AHNAK2: variants seen among roughly 807,000 people sequenced by gnomAD.
The protein encoded by AHNAK2 is AHNAK nucleoprotein 2.
In AHNAK2, 18 loss-of-function variants were observed where a neutral mutation model predicts 30.7. The ratio of observed to expected loss-of-function variants is 0.59; its 90% CI spans 0.41 to 0.87. The LOEUF is 0.87. AHNAK2 is among the 40% of genes least tolerant of loss of function. The pLI is 0.00. For missense variants in AHNAK2, 8,604 were observed against 7,373.0 expected, an observed-to-expected ratio of 1.17 and a Z score of -6.11; for synonymous variants, 3,590 against 3,073.8, an observed-to-expected ratio of 1.17 and a Z score of -5.56.
rs774385229 is a variant in AHNAK2 at position 104,939,142 on chromosome 14, G to C, written c.16309C>G (p.Leu5437Val). The C allele has an allele frequency of 1.9e-6, 3 of 1,611,140 alleles. No individual in the cohort carries two copies. The highest frequency in any genetic ancestry group is 2.5e-6 in the Non-Finnish European group (3 of 1,178,868). ...ESPGLWGASI[L>V]KAGAGVPGEQ... ...CCAGGGACCCCAGCACCTGCCTTCA[G>C]GATGCTGGCTCCCCAGAGCCCCGGA... Residue 5437 changes from leucine (L) to valine (V), a missense_variant, in exon 7 of 7, where the codon CTG (leucine) becomes GTG (valine). Leu to Val is a conservative substitution (Grantham distance 32, BLOSUM62 1). Coordinates refer to ENST00000333244, the MANE Select transcript of AHNAK2 (RefSeq NM_138420.4).
At position 104,966,899 on chromosome 14, in the gene AHNAK2, G is replaced by A. The variant is rs1051489892; in HGVS notation, c.56-9227C>T. Among the ~76,000 whole-genome samples the A allele has an allele frequency of 1.3e-5, 2 of 152,208 alleles. No individual in the cohort carries two copies. ...CTTCCTGCTCTGCCCAGACCCTGCC[G>A]CTCAATCCCCAAGGTGGGTAACATA... On this transcript the variant is annotated intron_variant, in intron 1 of 6. Transcript: ENST00000333244. The surrounding 1 kb of genome is among the most constrained non-coding windows in gnomAD (Gnocchi z 4.3).
intron 1 of AHNAK2, among the ~76,000 whole-genome samples, chr14:104,962,432 T>C (rs1899175552): frequency 6.6e-6 from 1 of 152,150 alleles, no homozygotes; most frequent in Non-Finnish European, 1.5e-5. Flanking sequence ...GTTGGTTGGT[T>C]GGTTTTGTTT....
Position 104,947,383 on chromosome 14 carries a change from C to T in AHNAK2, c.8068G>A (p.Asp2690Asn), listed in dbSNP as rs559989165. 1.2e-6 allele frequency: 2 copies of T among 1,612,692 alleles called. No homozygotes were observed. Among genetic ancestry groups the T allele is most frequent in the East Asian group, 2.2e-5 (1 of 44,770 alleles). ...ADMSLPSMQG[D>N]LKTTDISIQP... ...ATGCTGATGTCAGTGGTCTTAAGGTCCCCTTGCATGGAGGGGAGGCTCATG... is the reference window on the plus strand; with the variant it reads ...ATGCTGATGTCAGTGGTCTTAAGGTTCCCTTGCATGGAGGGGAGGCTCATG... The change falls in exon 7 of 7, where the codon GAC becomes AAC. Residue 2690 changes from aspartate to asparagine, a missense_variant. Transcript: ENST00000333244.
In AHNAK2 at chr14:104,938,837, CATT is replaced by C. The variant is rs1394530515; in HGVS notation, c.16611_16613del (p.Met5538del). On this transcript the variant is annotated inframe_deletion, in exon 7 of 7. Coordinates refer to ENST00000333244, the MANE Select transcript of AHNAK2 (RefSeq NM_138420.4). The stretch of plus-strand genomic sequence containing the variant: ...CCTCCTGAGTCCTAGAGTGTTGAGT[CATT>C]GTTGTGTACACTCTAGCCTGCGTGT... The C allele has an allele frequency of 5.6e-6, 9 of 1,613,738 alleles. No individual in the cohort carries two copies. The highest frequency in any genetic ancestry group is 5.1e-6 in the Non-Finnish European group (6 of 1,179,886).
intron 1 of AHNAK2, among the ~76,000 whole-genome samples, chr14:104,975,119 GA>G (rs749297658): frequency 3.9e-5 from 6 of 152,262 alleles, no homozygotes; most frequent in Non-Finnish European, 8.8e-5. Flanking sequence ...AGAAGGCAAT[GA>G]GGGCATTCCT....
In AHNAK2 at chr14:104,952,716, G is replaced by T; in HGVS notation, c.2735C>A (p.Pro912His). 6.2e-7 allele frequency: 1 copy of T among 1,610,692 alleles called. No homozygotes were observed. Residue 912 changes from proline to histidine, a missense_variant, in exon 7 of 7, where the codon CCC becomes CAC. Pro to His is a moderately conservative substitution (Grantham distance 77, BLOSUM62 -2). Coordinates refer to ENST00000333244, the MANE Select transcript of AHNAK2 (RefSeq NM_138420.4). Reference protein sequence around the residue: ...PEGPVPEGAGPKVHLPKVEMP... With the variant: ...PEGPVPEGAGHKVHLPKVEMP... ...CTCCACTTTGGGCAGGTGCACTTTG[G>T]GGCCGGCTCCCTCGGGCACAGGGCC...
intron 1 of AHNAK2, among the ~76,000 whole-genome samples, chr14:104,965,444 T>G (rs1265281850): frequency 8.2e-6 from 1 of 122,680 alleles, no homozygotes. Context: ...AAAGAAAAAA[T>G]CAAATCCCTT....
At chr14:104,969,538 C>A (rs1899413159) in intron 1 of AHNAK2, among the ~76,000 whole-genome samples, 1 of 152,264 alleles carries the variant, frequency 6.6e-6, no homozygotes, top group South Asian at 2.1e-4. Context: ...CTTTGCTCAC[C>A]AAGCACTCAG....
rs974107476 is a variant in AHNAK2, at chr14:104,939,029, AC to A, written c.16421del (p.Ser5474IlefsTer9). On this transcript the variant is annotated frameshift_variant, in exon 7 of 7. Coordinates refer to ENST00000333244, the MANE Select transcript of AHNAK2 (RefSeq NM_138420.4). LOFTEE classifies it low-confidence loss of function (END_TRUNC). ...CTATGCTGTGTATAGTGACCTCTTG[AC>A]TTTCAACCTGAGCACCCTGAATATG... ...RVHIQGAQVE[S>X]QEVTIHSIVT... is the part of the protein sequence containing the mutation. 1.9e-6 allele frequency: 3 copies of A among 1,609,074 alleles called. No individual in the cohort carries two copies. Among genetic ancestry groups the A allele is most frequent in the Admixed American group, 3.4e-5 (2 of 59,222 alleles).
Position 104,947,806 on chromosome 14 carries a change from C to G in AHNAK2, c.7645G>C (p.Val2549Leu), listed in dbSNP as rs199966867. Reference protein sequence around the residue: ...DLEVQAGQVDVKLPEGPVPEG... With the variant: ...DLEVQAGQVDLKLPEGPVPEG... Reference sequence around the variant, plus strand: ...GGCACAGGGCCCTCTGGGAGTTTCACGTCCACTTGGCCAGCCTGGACCTCC... The same window carrying G: ...GGCACAGGGCCCTCTGGGAGTTTCAGGTCCACTTGGCCAGCCTGGACCTCC... Residue 2549 changes from valine to leucine, a missense_variant, in exon 7 of 7, where the codon GTG (valine) becomes CTG (leucine). Val to Leu is a conservative substitution (Grantham distance 32). Transcript: ENST00000333244. The G allele has an allele frequency of 2.6e-4, 424 of 1,612,590 alleles. 4 individuals are homozygous for G. In the East Asian group the frequency reaches 8.4e-3, roughly 32 times the overall value.
Position 104,938,619 on chromosome 14 carries a change from A to G in AHNAK2, c.16832T>C (p.Ile5611Thr). 6.2e-7 allele frequency: 1 copy of G among 1,612,820 alleles called. No homozygotes were observed. The highest frequency in any genetic ancestry group is 8.5e-7 in the Non-Finnish European group (1 of 1,179,500). ...DSCSDEEPAE[I>T]LEFPPDDSQE... ...GCTATCATCAGGGGGAAACTCAAGA[A>G]TTTCTGCTGGCTCCTCATCTGAACA... Residue 5611 changes from isoleucine to threonine, a missense_variant, in exon 7 of 7, where the codon ATT becomes ACT. Ile to Thr is a moderately conservative substitution (Grantham distance 89). Transcript: ENST00000333244.
chr14:104,961,767 G>A (rs575386154), intron 1 of AHNAK2, among the ~76,000 whole-genome samples: 1 of 152,304 alleles, frequency 6.6e-6, no homozygotes, highest in South Asian at 2.1e-4. Flanking sequence ...GAGGCCAGGA[G>A]TTTGAGACTA....
rs544352487 is a variant in AHNAK2 at position 104,957,118 on chromosome 14, G to A, written c.213+292C>T. Among the ~76,000 whole-genome samples, 3 of 152,224 alleles carry A rather than the reference G, an allele frequency of 2.0e-5. No homozygotes were observed. The South Asian group carries it at 6.2e-4, about 31-fold the overall frequency. On this transcript the variant is annotated intron_variant, in intron 3 of 6. Coordinates refer to ENST00000333244, the MANE Select transcript of AHNAK2 (RefSeq NM_138420.4). ...GCATGAGTGTGTTACACAGGTGCAG[G>A]GATGCACACACCCTGTGCCCCTGAA...
chr14:104,939,509 C>A lies in AHNAK2; in HGVS notation c.15942G>T (p.Arg5314Ser). 6.2e-7 allele frequency: 1 copy of A among 1,613,704 alleles called. No homozygotes were observed. Among genetic ancestry groups the A allele is most frequent in the South Asian group, 1.1e-5 (1 of 91,088 alleles). ...GPLPFQMPGM[R>S]LPETQVLPGE... ...CTGGAAGAACCTGGGTTTCTGGAAG[C>A]CTCATGCCAGGCATCTGAAAAGGGA... The change falls in exon 7 of 7, where the codon AGG (arginine) becomes AGT (serine). Residue 5314 changes from arginine to serine, a missense_variant. Coordinates refer to ENST00000333244, the MANE Select transcript of AHNAK2 (RefSeq NM_138420.4).
rs1436977335 is a variant in AHNAK2 at position 104,950,723 on chromosome 14, C to G, written c.4728G>C (p.Leu1576=). 5.7e-6 allele frequency: 9 copies of G among 1,586,500 alleles called. No individual in the cohort carries two copies. In the African/African-American group the frequency reaches 9.5e-5, roughly 17 times the overall value. Residue 1576 remains leucine (L), a synonymous_variant, in exon 7 of 7, where the codon CTG becomes CTC. Transcript: ENST00000333244. The part of the protein sequence containing the change: ...VSEGAGLKGH[L]PKVQMPSFKM... Reference sequence around the variant, plus strand: ...TGAAACTGGGCATCTGCACTTTGGGCAGGTGCCCTTTGAGGCCGGCTCCCT... The same window carrying G: ...TGAAACTGGGCATCTGCACTTTGGGGAGGTGCCCTTTGAGGCCGGCTCCCT...
rs201728587 is a variant in AHNAK2 at position 104,949,920 on chromosome 14, G to T, written c.5531C>A (p.Ala1844Asp). 0.012 allele frequency: 18,873 copies of T among 1,588,642 alleles called. 449 individuals are homozygous for T. Among genetic ancestry groups the T allele is most frequent in the Middle Eastern group, 0.029 (175 of 6,028 alleles). ...GVSAPGKSIE[A>D]SVDVSAPKVE... ...CTTCGGCGCAGACACATCCACCGAG[G>T]CCTCGATGGACTTGCCTGGGGCAGA... The change falls in exon 7 of 7, where the codon GCC (alanine) becomes GAC (aspartate). Residue 1844 changes from alanine (A) to aspartate (D), a missense_variant. Transcript: ENST00000333244.
chr14:104,942,288 C>G lies in AHNAK2; in HGVS notation c.13163G>C (p.Ser4388Thr), dbSNP rs1185846772. ...KGHLPKLQMPSFKVPKVDLKG... is the reference protein window; with the variant it reads ...KGHLPKLQMPTFKVPKVDLKG... ...GAGGTCCACTTTGGGTACCTTGAAACTGGGCATCTGCAGCTTCGGCAGGTG... is the reference window on the plus strand; with the variant it reads ...GAGGTCCACTTTGGGTACCTTGAAAGTGGGCATCTGCAGCTTCGGCAGGTG... Residue 4388 changes from serine (S) to threonine (T), a missense_variant, in exon 7 of 7, where the codon AGT becomes ACT. Ser to Thr is a moderately conservative substitution (Grantham distance 58). Transcript: ENST00000333244. The G allele has an allele frequency of 6.2e-7, 1 of 1,613,340 alleles. No individual in the cohort carries two copies. Among genetic ancestry groups the G allele is most frequent in the Admixed American group, 1.7e-5 (1 of 59,990 alleles).
intron 1 of AHNAK2, 36 bp from the exon 2 acceptor site, chr14:104,957,708 G>T (rs749767432): frequency 6.3e-7 from 1 of 1,595,410 alleles, no homozygotes; most frequent in Non-Finnish European, 8.5e-7. Context: ...AGACAAGCAG[G>T]CTGGGGGAGC....
chr14:104,957,796 C>G (rs1326371793), intron 1 of AHNAK2, 124 bp from the exon 2 acceptor site: 1 of 1,001,552 alleles, frequency 1.0e-6, no homozygotes, highest in East Asian at 2.6e-5. Flanking sequence ...GACACTGGAT[C>G]GGAGAGCAAA....
Sources: allele counts gnomAD v4.1 joint callset (sites outside exome capture counted in the v4.1 genomes callset), GRCh38; gene constraint gnomAD v4.1.1; non-coding constraint Gnocchi (gnomAD v3.1); transcripts MANE v1.5; gene names NCBI Gene and HGNC (gene_info 2026-07-23, HGNC 2026-07-21).